The following RIMS1 variants were observed in gnomAD, a reference collection of about 807,000 sequenced individuals.
The protein encoded by RIMS1 is regulating synaptic membrane exocytosis protein 1.
RIMS1 carries 83 observed loss-of-function variants against 214.1 expected under a neutral mutation model. The ratio of observed to expected loss-of-function variants is 0.39; its 90% CI spans 0.32 to 0.47. RIMS1 has a LOEUF of 0.47. Among genes scored for constraint, RIMS1 ranks in the 20% least tolerant of loss-of-function variants. RIMS1 has a pLI of 0.99. For synonymous variants in RIMS1, 793 were observed against 786.8 expected, an observed-to-expected ratio of 1.01 and a Z score of -0.13; for missense variants, 2,050 against 2,161.8, an observed-to-expected ratio of 0.95 and a Z score of 1.03.
At chr6:72,132,550 T>C (rs2040607311) in intron 4 of RIMS1, among the ~76,000 whole-genome samples, 1 of 152,214 alleles carries the variant, frequency 6.6e-6, no homozygotes, top group Non-Finnish European at 1.5e-5. Context: ...TTTTATTTAG[T>C]TGTTAAGGTA....
At chr6:72,115,390 TAC>T (rs1193413255) in intron 4 of RIMS1, among the ~76,000 whole-genome samples, 7 of 151,976 alleles carry the variant, frequency 4.6e-5, no homozygotes, top group Admixed American at 3.3e-4. Flanking sequence ...CAATCAAATG[TAC>T]AGTGTCAAGT....
At chr6:71,920,817 A>C (rs1160516860) in intron 1 of RIMS1, among the ~76,000 whole-genome samples, 1 of 152,246 alleles carries the variant, frequency 6.6e-6, no homozygotes, top group Non-Finnish European at 1.5e-5. Context: ...AAAATAGTCA[A>C]TCATATTCCT....
chr6:71,945,390 C>A (rs1224260618), intron 1 of RIMS1, among the ~76,000 whole-genome samples: 1 of 152,160 alleles, frequency 6.6e-6, no homozygotes, highest in Non-Finnish European at 1.5e-5. Context: ...TCATCCAGCT[C>A]ACTCTTCACC....
intron 6 of RIMS1, among the ~76,000 whole-genome samples, chr6:72,190,520 A>C (rs2049916705): frequency 6.6e-6 from 1 of 150,742 alleles, no homozygotes; most frequent in Non-Finnish European, 1.5e-5. Context: ...TAGGGGCTAT[A>C]GTGCTGGAGC....
intron 28 of RIMS1, chr6:72,317,269 G>C (rs2095855414): frequency 6.7e-6 from 2 of 296,810 alleles, no homozygotes; most frequent in East Asian, 1.4e-4. Context: ...CTTGGTGAAG[G>C]CTCCACATGC....
At chr6:71,953,564 G>A (rs1433951865) in intron 1 of RIMS1, among the ~76,000 whole-genome samples, 1 of 152,104 alleles carries the variant, frequency 6.6e-6, no homozygotes, top group Non-Finnish European at 1.5e-5. Context: ...GTTTTTGAAA[G>A]CATGTTAACA....
intron 28 of RIMS1, chr6:72,317,460 A>G (rs1265678504): frequency 5.8e-6 from 1 of 172,698 alleles, no homozygotes; most frequent in Non-Finnish European, 1.2e-5. Context: ...CAGTAAGCAT[A>G]TACTGAAAGG....
chr6:71,995,825 C>T (rs548762188), intron 2 of RIMS1, among the ~76,000 whole-genome samples: 8 of 152,054 alleles, frequency 5.3e-5, no homozygotes, highest in East Asian at 1.9e-4. Flanking sequence ...CTTGCTTTGC[C>T]GCTCAGGCTG....
chr6:72,108,327 T>C (rs1163075034), intron 4 of RIMS1, among the ~76,000 whole-genome samples: 1 of 152,140 alleles, frequency 6.6e-6, no homozygotes, highest in Non-Finnish European at 1.5e-5. Flanking sequence ...TGGGCTCAAG[T>C]GATCCTCCTG....
intron 27 of RIMS1, among the ~76,000 whole-genome samples, chr6:72,309,042 C>A (rs562515282): frequency 6.6e-6 from 1 of 152,152 alleles, no homozygotes; most frequent in South Asian, 2.1e-4. Context: ...AAATTTTTAT[C>A]AGTTTCTTAG....
At chr6:72,363,689 C>T (rs368837939) in intron 29 of RIMS1, among the ~76,000 whole-genome samples, 18 of 152,274 alleles carry the variant, frequency 1.2e-4, no homozygotes, top group African/African-American at 4.3e-4. Context: ...ACCTCATTGA[C>T]TGCTTTTGTG....
chr6:71,915,101 C>T (rs1777952467), intron 1 of RIMS1, among the ~76,000 whole-genome samples: 1 of 152,224 alleles, frequency 6.6e-6, no homozygotes, highest in East Asian at 1.9e-4. Context: ...ATGTTGCATA[C>T]AGACCCAAGG....
chr6:71,992,349 T>C (rs1029527726), intron 2 of RIMS1, among the ~76,000 whole-genome samples: 1 of 152,128 alleles, frequency 6.6e-6, no homozygotes, highest in Non-Finnish European at 1.5e-5. Context: ...CTGGAGAATA[T>C]AGTTTAATCT....
At chr6:72,269,233 A>G (rs992257719) in intron 22 of RIMS1, among the ~76,000 whole-genome samples, 2 of 152,086 alleles carry the variant, frequency 1.3e-5, no homozygotes, top group Non-Finnish European at 2.9e-5. Context: ...ATCTTGCAAC[A>G]TTTTACATTA....
chr6:72,367,831 G>A (rs554080428), intron 29 of RIMS1, among the ~76,000 whole-genome samples: 2 of 152,132 alleles, frequency 1.3e-5, no homozygotes, highest in African/African-American at 4.8e-5. Context: ...GAATACTTTT[G>A]CAAATGAAGG....
chr6:72,294,529 T>C (rs1592316936), intron 26 of RIMS1, among the ~76,000 whole-genome samples: 2 of 151,828 alleles, frequency 1.3e-5, no homozygotes, highest in East Asian at 3.8e-4. Context: ...TAGATACTGA[T>C]ACACCTTCTT....
chr6:72,382,487 T>C (rs1470228153), intron 29 of RIMS1, among the ~76,000 whole-genome samples: 2 of 152,200 alleles, frequency 1.3e-5, no homozygotes, highest in South Asian at 2.1e-4. Flanking sequence ...AATATTACTA[T>C]ATTATATTGC....
At chr6:72,068,832 A>G (rs955748796) in intron 2 of RIMS1, among the ~76,000 whole-genome samples, 2 of 151,738 alleles carry the variant, frequency 1.3e-5, no homozygotes, top group Non-Finnish European at 2.9e-5. Flanking sequence ...AATGACGTGA[A>G]CTCGGGAGGC....
intron 2 of RIMS1, among the ~76,000 whole-genome samples, chr6:72,073,956 T>C (rs1400616695): frequency 1.3e-5 from 2 of 152,192 alleles, no homozygotes; most frequent in Non-Finnish European, 2.9e-5. Flanking sequence ...TAGGTTAAAA[T>C]TTTATTTAAT....
Sources: allele counts gnomAD v4.1 joint callset (sites outside exome capture counted in the v4.1 genomes callset), GRCh38; gene constraint gnomAD v4.1.1; transcripts MANE v1.5; gene names NCBI Gene and HGNC (gene_info 2026-07-23, HGNC 2026-07-21).